POF1B: variants seen among roughly 807,000 people sequenced by gnomAD.
POF1B encodes protein POF1B.
A neutral mutation model predicts 55.3 loss-of-function variants in POF1B; 53 were observed. That is an observed-to-expected ratio of 0.96 (90% confidence interval 0.77 to 1.20). The LOEUF (loss-of-function observed/expected upper bound fraction) is 1.20. Among genes scored for constraint, POF1B ranks in the 50% most tolerant of loss-of-function variants. POF1B has a pLI of 0.00. For synonymous variants in POF1B, 188 were observed against 148.3 expected (o/e 1.27, Z -1.95); for missense variants, 478 against 420.5 (o/e 1.14, Z -1.20).
At chrX:85,299,834 G>A (rs757581755) in intron 15 of POF1B, among the ~76,000 whole-genome samples, 18 of 112,393 alleles carry the variant, frequency 1.6e-4, no homozygotes, top group Middle Eastern at 4.6e-3. Flanking sequence ...TAAAACCCAG[G>A]AGCCTGGCAG....
intron 3 of POF1B, among the ~76,000 whole-genome samples, chrX:85,367,217 T>G (rs766282500): frequency 8.9e-6 from 1 of 111,921 alleles, no homozygotes; most frequent in Admixed American, 9.5e-5. Context: ...ACACAATGCC[T>G]AGATTCAAGA....
intron 15 of POF1B, among the ~76,000 whole-genome samples, chrX:85,300,413 C>T (rs985680840): frequency 1.8e-5 from 2 of 111,878 alleles, no homozygotes; most frequent in South Asian, 3.7e-4. Context: ...ATGTTTGTAA[C>T]GAAACCTCTG....
At chrX:85,314,345 G>C (rs918793133) in intron 9 of POF1B, 87 bp downstream of exon 9, 2 of 660,579 alleles carry the variant, frequency 3.0e-6, no homozygotes, top group Non-Finnish European at 4.4e-6. Flanking sequence ...TTTTAATTTG[G>C]GACTTTCTGT....
At chrX:85,347,798 A>G (rs1466996339) in intron 5 of POF1B, among the ~76,000 whole-genome samples, 1 of 111,203 alleles carries the variant, frequency 9.0e-6, no homozygotes, top group Admixed American at 9.6e-5. Context: ...CTTTGTACAT[A>G]CACTAGCACT....
intron 3 of POF1B, among the ~76,000 whole-genome samples, chrX:85,361,955 C>T (rs977021330): frequency 4.2e-5 from 4 of 94,260 alleles, no homozygotes; most frequent in Admixed American, 1.2e-4. Context: ...CTAGGTATTT[C>T]GTGTGTGTGT....
chrX:85,311,806 G>A (rs775897661), intron 9 of POF1B, among the ~76,000 whole-genome samples: 10 of 111,977 alleles, frequency 8.9e-5, no homozygotes, highest in South Asian at 3.7e-4. Context: ...ATCTAAAAGC[G>A]TTCCTATTTC....
At chrX:85,369,453 T>C (rs1380212368) in intron 2 of POF1B, among the ~76,000 whole-genome samples, 1 of 111,348 alleles carries the variant, frequency 9.0e-6, no homozygotes, top group Non-Finnish European at 1.9e-5. Flanking sequence ...CTTTCCTCCA[T>C]TCACTTACCC....
At position 85,278,106 on chromosome X, in the gene POF1B, T is replaced by G. The variant is rs1367817858; in HGVS notation, c.*1315A>C. The G allele has an allele frequency of 3.6e-5, 4 of 111,402 alleles. No individual in the cohort carries two copies. Among genetic ancestry groups the G allele is most frequent in the African/African-American group, 1.3e-4 (4 of 30,831 alleles). The allele number at this position is 111,402 out of a possible 1,213,427, so 9.2% of individuals were successfully genotyped here. ...AGATAATATAAATAAGGCTTTTAGC[T>G]TCATATCAAGACCTATTTGAACACT... On this transcript the variant is annotated 3_prime_UTR_variant, in exon 17 of 17. Coordinates refer to ENST00000262753, the MANE Select transcript of POF1B (RefSeq NM_024921.4).
chrX:85,279,468 A>C (rs1931850346), intron 16 of POF1B, 42 bp from the exon 17 acceptor site: 1 of 1,120,687 alleles, frequency 8.9e-7, no homozygotes, highest in African/African-American at 2.0e-5. Context: ...CTGGTTCATA[A>C]TTAAAGTCAT....
chrX:85,295,870 C>T (rs189770523), intron 15 of POF1B, among the ~76,000 whole-genome samples: 4 of 111,993 alleles, frequency 3.6e-5, no homozygotes, highest in Admixed American at 2.8e-4. Flanking sequence ...TTCATAGGTC[C>T]AAAAGAACTT....
At chrX:85,351,276 T>C in intron 5 of POF1B, 74 bp downstream of exon 5, 2 of 662,941 alleles carry the variant, frequency 3.0e-6, no homozygotes, top group Middle Eastern at 5.3e-4. Flanking sequence ...GAGTTGAATG[T>C]CACTTGAGCT....
intron 2 of POF1B, among the ~76,000 whole-genome samples, chrX:85,371,079 G>A (rs764858510): frequency 6.3e-5 from 7 of 111,521 alleles, no homozygotes; most frequent in Non-Finnish European, 1.3e-4. Context: ...GCTAGACTTG[G>A]AGTCAGCAGA....
chrX:85,354,127 A>G (rs1219537882), intron 4 of POF1B, among the ~76,000 whole-genome samples: 1 of 111,120 alleles, frequency 9.0e-6, no homozygotes, highest in Non-Finnish European at 1.9e-5. Context: ...TTTTCTTAGC[A>G]TAGGGAGGGT....
chrX:85,288,060 T>A (rs1452765098), intron 15 of POF1B, among the ~76,000 whole-genome samples: 1 of 111,763 alleles, frequency 8.9e-6, no homozygotes, highest in Non-Finnish European at 1.9e-5. Flanking sequence ...AAAACAATGA[T>A]TCAATGATTT....
At chrX:85,365,351 T>C (rs1157457314) in intron 3 of POF1B, among the ~76,000 whole-genome samples, 1 of 111,799 alleles carries the variant, frequency 8.9e-6, no homozygotes, top group Non-Finnish European at 1.9e-5. Flanking sequence ...GTTGCCAGAG[T>C]TCTTGCATTG....
chrX:85,354,778 C>G (rs1443440826), intron 4 of POF1B, among the ~76,000 whole-genome samples: 1 of 110,880 alleles, frequency 9.0e-6, no homozygotes, highest in Non-Finnish European at 1.9e-5. Context: ...TCAAGGAGAA[C>G]TACAAACCAC....
intron 15 of POF1B, among the ~76,000 whole-genome samples, chrX:85,301,497 G>T (rs925716595): frequency 1.8e-5 from 2 of 111,298 alleles, no homozygotes; most frequent in African/African-American, 6.5e-5. Context: ...AATACTAAAG[G>T]GAGTCCTACA....
intron 15 of POF1B, among the ~76,000 whole-genome samples, chrX:85,302,067 C>T (rs1932470747): frequency 9.0e-6 from 1 of 110,951 alleles, no homozygotes; most frequent in Non-Finnish European, 1.9e-5. Context: ...GTATATAATA[C>T]CAAAAGCACA....
Position 85,323,677 on chromosome X carries a change from C to A in POF1B, c.854+7272G>T, listed in dbSNP as rs1443382954. Among the ~76,000 whole-genome samples the A allele has an allele frequency of 2.0e-4, 22 of 111,145 alleles. No individual in the cohort carries two copies. In the Admixed American group the frequency reaches 2.1e-3, roughly 11 times the overall value. On this transcript the variant is annotated intron_variant, in intron 7 of 16. Transcript: ENST00000262753. ...CTTTCAAGGAGCCACCTTCTGGATTCATTGCTCTTTTGTATGGTTTTTTAT... is the reference window on the plus strand; with the variant it reads ...CTTTCAAGGAGCCACCTTCTGGATTAATTGCTCTTTTGTATGGTTTTTTAT...
Sources: gnomAD v4.1 joint callset for allele counts (sites outside exome capture counted in the v4.1 genomes callset) on GRCh38, gnomAD v4.1.1 for gene constraint, MANE v1.5 for transcripts, NCBI Gene and HGNC (gene_info 2026-07-23, HGNC 2026-07-21) for gene names.